The following SRPK2 variants were observed in gnomAD, a reference collection of about 807,000 sequenced individuals.
The protein encoded by SRPK2 is SFRS protein kinase 2.
A neutral mutation model predicts 90.8 loss-of-function variants in SRPK2; 21 were observed. The observed-to-expected ratio is 0.23, with a 90% CI of 0.16 to 0.33. The LOEUF (loss-of-function observed/expected upper bound fraction) is 0.33. SRPK2 is among the 10% of genes least tolerant of loss of function. The pLI is 1.00. For synonymous variants in SRPK2, 288 were observed against 311.1 expected, an observed-to-expected ratio of 0.93 and a Z score of 0.78; for missense variants, 620 against 869.0, an observed-to-expected ratio of 0.71 and a Z score of 3.60.
chr7:105,142,995 G>A, intron 10 of SRPK2, 89 bp downstream of exon 10: 2 of 1,500,232 alleles, frequency 1.3e-6, no homozygotes, highest in Non-Finnish European at 1.8e-6. Flanking sequence ...TGCAGCAGCA[G>A]CACAAATCAG....
intron 3 of SRPK2, among the ~76,000 whole-genome samples, chr7:105,191,880 A>T (rs1215074640): frequency 6.6e-6 from 1 of 150,856 alleles, no homozygotes; most frequent in African/African-American, 2.5e-5. Context: ...AAACAAAAAA[A>T]ACTTTTTTTT....
chr7:105,195,466 G>A (rs1340508435), intron 3 of SRPK2, among the ~76,000 whole-genome samples: 1 of 152,202 alleles, frequency 6.6e-6, no homozygotes, highest in Non-Finnish European at 1.5e-5. Flanking sequence ...ATGCTTTAAA[G>A]TTACTTCACC....
At chr7:105,312,483 A>G (rs964545451) in intron 2 of SRPK2, among the ~76,000 whole-genome samples, 3 of 149,896 alleles carry the variant, frequency 2.0e-5, no homozygotes, top group Non-Finnish European at 4.4e-5. Context: ...CCTTGAAAAC[A>G]TTATACTATG....
Position 105,347,773 on chromosome 7 carries a change from C to T in SRPK2, c.71+40875G>A, listed in dbSNP as rs555419964. 5.5e-4 allele frequency among the ~76,000 whole-genome samples: 83 copies of T among 151,626 alleles called. 1 individual carries two copies. The highest frequency in any genetic ancestry group is 2.0e-3 in the African/African-American group (81 of 41,394). Reference sequence around the variant, plus strand: ...TTGGAAAGCTGAAGCAGGAGAATTGCTTGAACCCAGGAGGCAGAGGTTGCA... The same window carrying T: ...TTGGAAAGCTGAAGCAGGAGAATTGTTTGAACCCAGGAGGCAGAGGTTGCA... On this transcript the variant is annotated intron_variant, in intron 2 of 15. Coordinates refer to ENST00000393651, the MANE Select transcript of SRPK2 (RefSeq NM_182692.3).
At chr7:105,181,394 T>C (rs1299856526) in intron 3 of SRPK2, among the ~76,000 whole-genome samples, 2 of 152,200 alleles carry the variant, frequency 1.3e-5, no homozygotes, top group African/African-American at 2.4e-5. Flanking sequence ...TAAACTGTTC[T>C]ACTGTAAAGA....
At chr7:105,116,081 C>G (rs1799606764), downstream of SRPK2, among the ~76,000 whole-genome samples, 1 of 152,110 alleles carries the variant, frequency 6.6e-6, no homozygotes, top group Non-Finnish European at 1.5e-5. Flanking sequence ...ACAGCAAATG[C>G]TGTTTTGTTT....
At chr7:105,260,700 G>A (rs2129905705) in intron 2 of SRPK2, among the ~76,000 whole-genome samples, 1 of 152,270 alleles carries the variant, frequency 6.6e-6, no homozygotes, top group Middle Eastern at 3.4e-3. Flanking sequence ...ATACTATGCA[G>A]CCATAAAAAA....
chr7:105,203,864 T>TG (rs1795871003), intron 2 of SRPK2, 79 bp from the exon 3 acceptor site: 1 of 1,489,970 alleles, frequency 6.7e-7, no homozygotes, highest in South Asian at 1.3e-5. Flanking sequence ...CTTCTTAATA[T>TG]GGGGGAAAAA....
At chr7:105,228,480 A>G (rs1798994952) in intron 2 of SRPK2, among the ~76,000 whole-genome samples, 2 of 152,224 alleles carry the variant, frequency 1.3e-5, no homozygotes, top group Non-Finnish European at 2.9e-5. Context: ...ATGTATCCTA[A>G]TGGGCCTAAT....
At chr7:105,377,518 C>A (rs1179779217) in intron 2 of SRPK2, among the ~76,000 whole-genome samples, 1 of 151,654 alleles carries the variant, frequency 6.6e-6, no homozygotes, top group Non-Finnish European at 1.5e-5. Flanking sequence ...CATGGTGAAA[C>A]CCCATCTCAA....
intron 2 of SRPK2, among the ~76,000 whole-genome samples, chr7:105,309,504 G>A (rs1216132785): frequency 1.3e-5 from 2 of 151,980 alleles, no homozygotes; most frequent in African/African-American, 4.8e-5. Flanking sequence ...CTGCATTAAG[G>A]CTCTATCCTT....
intron 2 of SRPK2, among the ~76,000 whole-genome samples, chr7:105,323,245 T>A (rs555300325): frequency 1.3e-5 from 2 of 152,294 alleles, no homozygotes; most frequent in African/African-American, 4.8e-5. Context: ...TTTACATAAA[T>A]ATTGAAATTT....
intron 3 of SRPK2, among the ~76,000 whole-genome samples, chr7:105,199,844 A>C: frequency 6.6e-6 from 1 of 152,054 alleles, no homozygotes; most frequent in African/African-American, 2.4e-5. Context: ...AGCCAAAAGT[A>C]ATAAGCACAC....
At chr7:105,153,242 G>A (rs956285396) in intron 7 of SRPK2, among the ~76,000 whole-genome samples, 4 of 152,084 alleles carry the variant, frequency 2.6e-5, no homozygotes, top group Non-Finnish European at 5.9e-5. Context: ...GCAGCAGTGC[G>A]GAAAAGAAGG....
At chr7:105,335,024 A>G (rs1814923838) in intron 2 of SRPK2, among the ~76,000 whole-genome samples, 2 of 151,450 alleles carry the variant, frequency 1.3e-5, no homozygotes, top group African/African-American at 2.4e-5. Context: ...CAAAAAAATT[A>G]GCCAGGTGTG....
chr7:105,391,884 C>A (rs937241262), upstream of SRPK2, among the ~76,000 whole-genome samples: 4 of 152,262 alleles, frequency 2.6e-5, no homozygotes, highest in South Asian at 2.1e-4. Context: ...AAAACAGATA[C>A]TCAAACAAAT....
chr7:105,390,522 G>A (rs372763491), upstream of SRPK2, among the ~76,000 whole-genome samples: 2 of 151,722 alleles, frequency 1.3e-5, no homozygotes, highest in South Asian at 2.1e-4. Flanking sequence ...TCAGCCTCCC[G>A]GGTCCAAGCC....
chr7:105,250,848 C>T (rs1305886317), intron 2 of SRPK2, among the ~76,000 whole-genome samples: 1 of 152,092 alleles, frequency 6.6e-6, no homozygotes, highest in Admixed American at 6.5e-5. Flanking sequence ...ATAATCAGCT[C>T]CATTTTTTTC....
At chr7:105,137,621 G>A (rs769931341) in intron 11 of SRPK2, among the ~76,000 whole-genome samples, 2 of 152,154 alleles carry the variant, frequency 1.3e-5, no homozygotes, top group African/African-American at 2.4e-5. Context: ...GATGTGTTGA[G>A]CCAAGATACA....
Sources: gnomAD v4.1 joint callset for allele counts (sites outside exome capture counted in the v4.1 genomes callset) on GRCh38, gnomAD v4.1.1 for gene constraint, MANE v1.5 for transcripts, NCBI Gene and HGNC (gene_info 2026-07-23, HGNC 2026-07-21) for gene names.